The following SLC5A11 variants were observed in gnomAD, a reference collection of about 807,000 sequenced individuals.
The protein encoded by SLC5A11 is solute carrier family 5 member 11.
A neutral mutation model predicts 69.8 loss-of-function variants in SLC5A11; 48 were observed. That is an observed-to-expected ratio of 0.69 (90% CI 0.55 to 0.87). The LOEUF (loss-of-function observed/expected upper bound fraction) is 0.87. Among genes scored for constraint, SLC5A11 ranks in the 40% least tolerant of loss-of-function variants. The probability of loss-of-function intolerance (pLI) is 0.00; values close to 1 mark genes in which losing one functional copy is unlikely to be tolerated. For synonymous variants in SLC5A11, 319 were observed against 342.4 expected, an observed-to-expected ratio of 0.93 and a Z score of 0.75; for missense variants, 784 against 866.1, an observed-to-expected ratio of 0.91 and a Z score of 1.19.
At chr16:24,872,481 T>G (rs1347215112) in intron 5 of SLC5A11, among the ~76,000 whole-genome samples, 1 of 152,118 alleles carries the variant, frequency 6.6e-6, no homozygotes, top group Non-Finnish European at 1.5e-5. Context: ...ACCCCAAAAT[T>G]TTAAATACCA....
At position 24,893,792 on chromosome 16, in the gene SLC5A11, G is replaced by A. The variant is rs149404676; in HGVS notation, c.870+2718G>A. Among the ~76,000 whole-genome samples the A allele has an allele frequency of 4.1e-4, 62 of 152,148 alleles. 1 individual carries two copies. The East Asian group carries it at 0.01, about 26-fold the overall frequency. On this transcript the variant is annotated intron_variant, in intron 9 of 15. Transcript: ENST00000347898. ...TCGCTATGTTGGCCAGGCTAGTCTT[G>A]AACTCCTGACCTCAAGTGATCCACC... is the stretch of plus-strand genomic sequence containing the variant.
At chr16:24,862,087 T>A (rs2046606627) in intron 2 of SLC5A11, 1 of 152,324 alleles carries the variant, frequency 6.6e-6, no homozygotes, top group African/African-American at 2.4e-5. Flanking sequence ...AAGAAACAAA[T>A]TTCTGTTGTT....
At chr16:24,860,554 A>G (rs2059724318) in intron 2 of SLC5A11, among the ~76,000 whole-genome samples, 1 of 140,832 alleles carries the variant, frequency 7.1e-6, no homozygotes, top group African/African-American at 2.8e-5. Flanking sequence ...GAATATATGC[A>G]TTTGTGATTA....
At chr16:24,864,210 G>A (rs375362569) in intron 3 of SLC5A11, among the ~76,000 whole-genome samples, 6 of 152,132 alleles carry the variant, frequency 3.9e-5, no homozygotes, top group Admixed American at 2.0e-4. Context: ...GAAAAGTCCC[G>A]AGAAAGCCCT....
At chr16:24,886,094 GCA>G (rs2048379491) in intron 8 of SLC5A11, among the ~76,000 whole-genome samples, 1 of 151,374 alleles carries the variant, frequency 6.6e-6, no homozygotes, top group Non-Finnish European at 1.5e-5. Flanking sequence ...GAGTGCAGTG[GCA>G]TGATCTTGGC....
At chr16:24,885,834 T>G (rs760410376) in intron 8 of SLC5A11, among the ~76,000 whole-genome samples, 1 of 151,674 alleles carries the variant, frequency 6.6e-6, no homozygotes, top group Non-Finnish European at 1.5e-5. Context: ...CTATGAAACA[T>G]GTATGAAAGA....
chr16:24,870,037 C>T (rs1357542613), intron 4 of SLC5A11, 32 bp downstream of exon 5: 1 of 1,441,740 alleles, frequency 6.9e-7, no homozygotes, highest in South Asian at 1.2e-5. Flanking sequence ...TAGATGACAT[C>T]TTACCTCTAC....
intron 3 of SLC5A11, among the ~76,000 whole-genome samples, chr16:24,868,055 T>G (rs1413815310): frequency 6.6e-6 from 1 of 151,284 alleles, no homozygotes; most frequent in East Asian, 1.9e-4. Context: ...GAGAATCACT[T>G]GAACCCAGGA....
rs749174894 is a variant in SLC5A11, at chr16:24,858,763, G to A, written c.120G>A (p.Leu40=). 6.2e-6 allele frequency: 10 copies of A among 1,611,888 alleles called. No homozygotes were observed. The South Asian group carries it at 8.8e-5, about 14-fold the overall frequency. Reference sequence around the variant, plus strand: ...TAGTTCTGTACTTCCTCTTTGTCCTGGCTGTTGGACTATGGGTAAGCCAGG... The same window carrying A: ...TAGTTCTGTACTTCCTCTTTGTCCTAGCTGTTGGACTATGGGTAAGCCAGG... The change falls in exon 2 of 16, where the codon CTG becomes CTA. Residue 40 remains leucine (L), a synonymous_variant. Coordinates refer to ENST00000347898, the Ensembl canonical transcript of SLC5A11.
intron 12 of SLC5A11, 111 bp from the exon 14 acceptor site, chr16:24,907,852 C>G: frequency 1.4e-6 from 2 of 1,432,580 alleles, no homozygotes; most frequent in Non-Finnish European, 1.9e-6. Context: ...CACCACTGCA[C>G]CCCGGCCTTG....
At chr16:24,846,820 A>G (rs913329539) in intron 1 of SLC5A11, 1 of 152,286 alleles carries the variant, frequency 6.6e-6, no homozygotes, top group Admixed American at 6.5e-5. Context: ...ATGTATCCAC[A>G]TAAGCATTAA....
chr16:24,896,920 C>CA (rs1461315041), intron 9 of SLC5A11, among the ~76,000 whole-genome samples: 1 of 149,270 alleles, frequency 6.7e-6, no homozygotes, highest in African/African-American at 2.5e-5. Flanking sequence ...AAGGAGGCAC[C>CA]AGGAGTTAGA....
chr16:24,881,032 T>C (rs1489181895), intron 7 of SLC5A11, among the ~76,000 whole-genome samples: 1 of 151,850 alleles, frequency 6.6e-6, no homozygotes, highest in East Asian at 1.9e-4. Context: ...AGTGAAACCC[T>C]GTCTCTACTA....
intron 10 of SLC5A11, among the ~76,000 whole-genome samples, chr16:24,903,993 T>C (rs2049835909): frequency 6.6e-6 from 1 of 152,158 alleles, no homozygotes; most frequent in Non-Finnish European, 1.5e-5. Context: ...CTTACAGTCA[T>C]GGTGGAAGGC....
chr16:24,904,072 C>T (rs1000489267), intron 10 of SLC5A11, among the ~76,000 whole-genome samples: 12 of 152,150 alleles, frequency 7.9e-5, no homozygotes, highest in Admixed American at 5.9e-4. Context: ...AAATGCCAGA[C>T]GTTTATAAAA....
At chr16:24,869,961 T>C (rs1597073039) in exon 4 of SLC5A11, 1 of 1,614,022 alleles carries the variant, frequency 6.2e-7, no homozygotes, top group African/African-American at 1.3e-5. Context: ...CCTGGCAGGG[T>C]CAGGTGCTGC....
At chr16:24,864,719 C>CA (rs1285349228) in intron 3 of SLC5A11, among the ~76,000 whole-genome samples, 6 of 151,832 alleles carry the variant, frequency 4.0e-5, no homozygotes, top group Admixed American at 6.6e-5. Context: ...TAACTATATC[C>CA]AAAAAACACA....
chr16:24,894,943 C>A (rs1479117996), intron 9 of SLC5A11, among the ~76,000 whole-genome samples: 1 of 152,008 alleles, frequency 6.6e-6, no homozygotes, highest in East Asian at 1.9e-4. Flanking sequence ...CATAGCGAGA[C>A]CTCATCTCTA....
chr16:24,910,305 G>C lies in SLC5A11; in HGVS notation c.1651-1G>C. 2.5e-6 allele frequency: 4 copies of C among 1,613,954 alleles called. No homozygotes were observed. The highest frequency in any genetic ancestry group is 3.4e-6 in the Non-Finnish European group (4 of 1,179,980). On this transcript the variant is annotated splice_acceptor_variant, in intron 14 of 15. Transcript: ENST00000347898. LOFTEE classifies it high-confidence loss of function. The stretch of plus-strand genomic sequence containing the variant: ...TCTCATCATTCATCCCTGCTCCTTA[G>C]GTCAGCCACCTGACCTGGTTTACTC...
Sources: gnomAD v4.1 joint callset for allele counts (sites outside exome capture counted in the v4.1 genomes callset) on GRCh38, gnomAD v4.1.1 for gene constraint, MANE v1.5 for transcripts, NCBI Gene and HGNC (gene_info 2026-07-23, HGNC 2026-07-21) for gene names.